CYBB: variants seen among roughly 807,000 people sequenced by gnomAD.
CYBB encodes cytochrome b-245 beta chain, also known as NADPH oxidase 2.
Under a neutral mutation model 46.5 loss-of-function variants are expected in CYBB, and 5 were observed. The observed-to-expected ratio is 0.11, with a 90% CI of 0.06 to 0.23. The LOEUF (loss-of-function observed/expected upper bound fraction) is 0.23. Among genes scored for constraint, CYBB ranks in the 10% least tolerant of loss-of-function variants. The probability of loss-of-function intolerance (pLI) is 1.00; values close to 1 mark genes in which losing one functional copy is unlikely to be tolerated. For synonymous variants in CYBB, 183 were observed against 156.7 expected (o/e 1.17, Z -1.26); for missense variants, 307 against 428.3 (o/e 0.72, Z 2.50).
intron 3 of CYBB, among the ~76,000 whole-genome samples, chrX:37,788,243 C>T (rs992672562): frequency 2.2e-4 from 25 of 111,647 alleles, no homozygotes; most frequent in Admixed American, 1.5e-3. Context: ...AAACCATATT[C>T]GTTTGCTTTA....
chrX:37,797,506 C>T (rs782522066), intron 6 of CYBB, among the ~76,000 whole-genome samples: 5 of 111,573 alleles, frequency 4.5e-5, no homozygotes, highest in East Asian at 2.8e-4. Context: ...CTCATGGCTC[C>T]GTAGCAGCTG....
Position 37,805,081 on chromosome X carries a change from A to C in CYBB, c.1227A>C (p.Ala409=). The change falls in exon 10 of 13, where the codon GCA becomes GCC. Residue 409 remains alanine, a synonymous_variant. Transcript: ENST00000378588. ...ATGAGGTGGTGATGTTAGTGGGAGC[A>C]GGGATTGGGGTCACACCCTTCGCAT... ...FSYEVVMLVG[A]GIGVTPFASI... is the part of the protein sequence containing the mutation. 8.3e-7 allele frequency: 1 copy of C among 1,210,965 alleles called. No individual in the cohort carries two copies. Among genetic ancestry groups the C allele is most frequent in the Non-Finnish European group, 1.1e-6 (1 of 894,689 alleles).
At chrX:37,795,833 A>G (rs1602179747) in intron 5 of CYBB, 118 bp from the exon 6 acceptor site, 1 of 534,100 alleles carries the variant, frequency 1.9e-6, no homozygotes, top group Non-Finnish European at 3.2e-6. Context: ...TGTTCTATAC[A>G]TTGGACACTT....
chrX:37,811,452 A>G lies in CYBB; in HGVS notation c.*535A>G, dbSNP rs909735315. 3 of 125,169 alleles carry G rather than the reference A, an allele frequency of 2.4e-5. No individual in the cohort carries two copies. Among genetic ancestry groups the G allele is most frequent in the East Asian group, 2.3e-4 (1 of 4,334 alleles). The allele number at this position is 125,169 out of a possible 1,213,427, so 10.3% of individuals were successfully genotyped here. On this transcript the variant is annotated 3_prime_UTR_variant, in exon 13 of 13. Coordinates refer to ENST00000378588, the MANE Select transcript of CYBB (RefSeq NM_000397.4). ...TTTCCAGATCATTAGGACATAATAC[A>G]TGTTGAGAGTGTCTCAACACTTATT...
At chrX:37,789,595 T>A (rs782778549) in intron 3 of CYBB, among the ~76,000 whole-genome samples, 40 of 107,760 alleles carry the variant, frequency 3.7e-4, no homozygotes, top group Non-Finnish European at 6.9e-4. Context: ...AAAAAGTTAT[T>A]TCCTCAAAAT....
intron 7 of CYBB, among the ~76,000 whole-genome samples, chrX:37,800,033 C>T (rs782093165): frequency 9.0e-6 from 1 of 111,265 alleles, no homozygotes; most frequent in African/African-American, 3.3e-5. Context: ...GCATCTTTTC[C>T]CATTAATGGA....
chrX:37,782,045 G>A, intron 1 of CYBB, 43 bp from the exon 2 acceptor site: 1 of 1,065,367 alleles, frequency 9.4e-7, no homozygotes, highest in Non-Finnish European at 1.3e-6. Flanking sequence ...GGAATCTACT[G>A]TGGAAATGCG....
rs144764222 is a variant in CYBB at position 37,803,948 on chromosome X, A to G, written c.969A>G (p.Gln323=). The G allele has an allele frequency of 2.1e-5, 25 of 1,209,102 alleles. No homozygotes were observed. In the African/African-American group the frequency reaches 4.4e-4, roughly 21 times the overall value. The change falls in exon 9 of 13, where the codon CAA becomes CAG. Residue 323 remains glutamine (Q), a synonymous_variant. Transcript: ENST00000378588. ...KKKGFKMEVG[Q]YIFVKCPKVS... ...AGGGGTTCAAAATGGAAGTGGGACA[A>G]TACATTTTTGTCAAGTGCCCAAAGG...
At chrX:37,789,323 G>A (rs781875455) in intron 3 of CYBB, among the ~76,000 whole-genome samples, 2 of 110,905 alleles carry the variant, frequency 1.8e-5, no homozygotes, top group South Asian at 7.5e-4. Context: ...AAATCACAGA[G>A]TGATGTCTCA....
intron 3 of CYBB, among the ~76,000 whole-genome samples, chrX:37,784,814 G>A (rs978336898): frequency 1.6e-4 from 18 of 111,791 alleles, no homozygotes; most frequent in Admixed American, 1.9e-4. Flanking sequence ...GATTGTACAG[G>A]GCAGATGCCT....
At chrX:37,782,890 T>C (rs1413046754) in intron 2 of CYBB, among the ~76,000 whole-genome samples, 3 of 111,928 alleles carry the variant, frequency 2.7e-5, no homozygotes, top group African/African-American at 9.7e-5. Flanking sequence ...TGTTAGCTTA[T>C]TCACATTGAT....
At chrX:37,805,930 C>A (rs1556471476) in intron 10 of CYBB, among the ~76,000 whole-genome samples, 2 of 112,382 alleles carry the variant, frequency 1.8e-5, no homozygotes. Context: ...ACTTTTCATT[C>A]TCCCTGTACC....
chrX:37,811,287 C>G lies in CYBB; in HGVS notation c.*370C>G, dbSNP rs1053497390. On this transcript the variant is annotated 3_prime_UTR_variant, in exon 13 of 13. Transcript: ENST00000378588. Reference sequence around the variant, plus strand: ...AGCCCATCTTACTCCAGGTTTGATACTCTTTCCACAATACTGAGCTGCCTC... The same window carrying G: ...AGCCCATCTTACTCCAGGTTTGATAGTCTTTCCACAATACTGAGCTGCCTC... The G allele has an allele frequency of 2.6e-4, 50 of 193,428 alleles. No homozygotes were observed. Among genetic ancestry groups the G allele is most frequent in the African/African-American group, 1.3e-3 (44 of 32,755 alleles). 15.9% of individuals were successfully genotyped at this position (193,428 alleles called of 1,213,427 possible). A position where few individuals can be genotyped will look rare whatever the true frequency, so the allele number is the denominator to read the frequency against.
chrX:37,788,240 A>G (rs1929117423), intron 3 of CYBB, among the ~76,000 whole-genome samples: 2 of 111,879 alleles, frequency 1.8e-5, no homozygotes, highest in African/African-American at 3.3e-5. Flanking sequence ...ACAAAACCAT[A>G]TTCGTTTGCT....
In CYBB at chrX:37,801,352, C is replaced by T. The variant is rs781930966; in HGVS notation, c.897+4C>T. ...ACAGAAGGTGGTCATCACCAAGGTA[C>T]TGATTGGTTTAGTAATTACTAGTGG... is the stretch of plus-strand genomic sequence containing the variant. On this transcript the variant is annotated splice_donor_region_variant and intron_variant, in intron 8 of 12. Transcript: ENST00000378588. 2 of 1,168,101 alleles carry T rather than the reference C, an allele frequency of 1.7e-6. No individual in the cohort carries two copies. Among genetic ancestry groups the T allele is most frequent in the East Asian group, 5.9e-5 (2 of 33,649 alleles).
intron 3 of CYBB, among the ~76,000 whole-genome samples, chrX:37,788,478 C>T (rs1712632494): frequency 8.9e-6 from 1 of 111,913 alleles, no homozygotes. Flanking sequence ...GTTTTTCACA[C>T]AGGAAGCTTA....
chrX:37,797,346 C>A (rs1280988277), intron 6 of CYBB, among the ~76,000 whole-genome samples: 5 of 111,677 alleles, frequency 4.5e-5, no homozygotes, highest in African/African-American at 9.8e-5. Flanking sequence ...TAATTTCTTC[C>A]CCTCTCCAAT....
In CYBB at chrX:37,812,371, G is replaced by T. The variant is rs745909408; in HGVS notation, c.*1454G>T. On this transcript the variant is annotated 3_prime_UTR_variant, in exon 13 of 13. Coordinates refer to ENST00000378588, the MANE Select transcript of CYBB (RefSeq NM_000397.4). ...TTCGGTAATGAGGAAGAAGGAGAAA[G>T]AGCTGGGGGAAGGGCAGAAGACTGG... is the stretch of plus-strand genomic sequence containing the variant. 1 of 111,299 alleles carries T rather than the reference G, an allele frequency of 9.0e-6. No individual in the cohort carries two copies. The highest frequency in any genetic ancestry group is 1.9e-5 in the Non-Finnish European group (1 of 53,069). The allele number at this position is 111,299 out of a possible 1,213,427, so 9.2% of individuals were successfully genotyped here.
At chrX:37,800,050 C>G (rs1219994321) in intron 7 of CYBB, among the ~76,000 whole-genome samples, 1 of 111,047 alleles carries the variant, frequency 9.0e-6, no homozygotes, top group Non-Finnish European at 1.9e-5. Flanking sequence ...TGGAAGCAAC[C>G]AGACATATCA....
Sources: allele counts gnomAD v4.1 joint callset (sites outside exome capture counted in the v4.1 genomes callset), GRCh38; gene constraint gnomAD v4.1.1; transcripts MANE v1.5; gene names NCBI Gene and HGNC (gene_info 2026-07-23, HGNC 2026-07-21).